NKAIN2: variants seen among roughly 807,000 people sequenced by gnomAD.
The protein encoded by NKAIN2 is sodium/potassium-transporting ATPase subunit beta-1-interacting protein 2.
NKAIN2 carries 14 observed loss-of-function variants against 32.6 expected under a neutral mutation model. The observed-to-expected ratio is 0.43, with a 90% CI of 0.28 to 0.67. The LOEUF (loss-of-function observed/expected upper bound fraction) is 0.67. NKAIN2 is among the 30% of genes least tolerant of loss of function. The pLI is 0.17. For synonymous variants in NKAIN2, 80 were observed against 87.2 expected (o/e 0.92, Z 0.46); for missense variants, 198 against 258.3 (o/e 0.77, Z 1.60).
At chr6:124,032,623 A>G (rs1333031438) in intron 1 of NKAIN2, among the ~76,000 whole-genome samples, 3 of 152,156 alleles carry the variant, frequency 2.0e-5, no homozygotes, top group Non-Finnish European at 2.9e-5. Context: ...AGGTCTAAGA[A>G]GAAAGGTACT....
chr6:124,147,886 C>T (rs117878985), intron 1 of NKAIN2, among the ~76,000 whole-genome samples: 10 of 152,136 alleles, frequency 6.6e-5, no homozygotes, highest in Non-Finnish European at 1.5e-4. Context: ...ATATAAAGGG[C>T]CAGGACCATG....
intron 4 of NKAIN2, among the ~76,000 whole-genome samples, chr6:124,746,898 C>T (rs1240895588): frequency 1.3e-5 from 2 of 151,976 alleles, no homozygotes; most frequent in South Asian, 2.1e-4. Flanking sequence ...GTCACTTTCA[C>T]TTCTATAATT....
At chr6:124,523,604 A>T (rs1434937541) in intron 3 of NKAIN2, among the ~76,000 whole-genome samples, 4 of 152,166 alleles carry the variant, frequency 2.6e-5, no homozygotes, top group Non-Finnish European at 5.9e-5. Flanking sequence ...TGGCAAAATT[A>T]AAAACTTTAA....
chr6:124,572,792 T>A (rs1347645225), intron 3 of NKAIN2, among the ~76,000 whole-genome samples: 5 of 152,182 alleles, frequency 3.3e-5, no homozygotes, highest in African/African-American at 1.2e-4. Flanking sequence ...ATATAAATAT[T>A]TCATACAATT....
chr6:124,104,698 C>G (rs956898862), intron 1 of NKAIN2, among the ~76,000 whole-genome samples: 2 of 152,182 alleles, frequency 1.3e-5, no homozygotes, highest in Non-Finnish European at 2.9e-5. Flanking sequence ...ATATAGTGCT[C>G]ATACTAATGA....
At chr6:124,350,604 G>T (rs1297135940) in intron 2 of NKAIN2, among the ~76,000 whole-genome samples, 2 of 152,142 alleles carry the variant, frequency 1.3e-5, no homozygotes, top group Admixed American at 6.5e-5. Flanking sequence ...CATTAAAGGG[G>T]TTACACCAGT....
chr6:124,167,379 A>G (rs1337245578), intron 1 of NKAIN2, among the ~76,000 whole-genome samples: 1 of 151,976 alleles, frequency 6.6e-6, no homozygotes, highest in Non-Finnish European at 1.5e-5. Flanking sequence ...GTATCCTGAG[A>G]CATTGCTGAA....
At chr6:124,185,604 T>G (rs1173946638) in intron 1 of NKAIN2, among the ~76,000 whole-genome samples, 1 of 152,302 alleles carries the variant, frequency 6.6e-6, no homozygotes, top group Non-Finnish European at 1.5e-5. Context: ...TTGAAGTTAT[T>G]CCTGAAAATC....
chr6:123,957,383 T>C (rs1245332679), intron 1 of NKAIN2, among the ~76,000 whole-genome samples: 1 of 152,194 alleles, frequency 6.6e-6, no homozygotes, highest in Non-Finnish European at 1.5e-5. Flanking sequence ...TTTTGTATCA[T>C]CAGCATCTAG....
intron 1 of NKAIN2, among the ~76,000 whole-genome samples, chr6:124,232,059 G>A (rs1224217140): frequency 6.6e-6 from 1 of 152,056 alleles, no homozygotes; most frequent in African/African-American, 2.4e-5. Flanking sequence ...ACTTACACAA[G>A]ATCTCACAAA....
At chr6:124,656,687 G>A (rs10223758) in intron 3 of NKAIN2, among the ~76,000 whole-genome samples, 2,467 of 152,022 alleles carry the variant, frequency 0.016, 80 homozygotes, top group African/African-American at 0.057. Context: ...ATAGGTGATG[G>A]TAAAGATTCA....
At chr6:124,004,820 C>T (rs1177962396) in intron 1 of NKAIN2, among the ~76,000 whole-genome samples, 1 of 150,964 alleles carries the variant, frequency 6.6e-6, no homozygotes, top group Non-Finnish European at 1.5e-5. Flanking sequence ...TGTATCAAAC[C>T]TGCACGTTGT....
intron 1 of NKAIN2, among the ~76,000 whole-genome samples, chr6:124,032,567 TAAGTAGAC>T (rs1034508182): frequency 9.9e-5 from 15 of 152,060 alleles, no homozygotes; most frequent in African/African-American, 3.6e-4. Context: ...TTGATAAAGG[TAAGTAGAC>T]AAATAGATAA....
chr6:124,753,956 A>G (rs543847228), intron 4 of NKAIN2, among the ~76,000 whole-genome samples: 2 of 152,226 alleles, frequency 1.3e-5, no homozygotes, highest in South Asian at 4.1e-4. Context: ...TAGGCTGCAA[A>G]AGACAATCTC....
At chr6:124,509,275 G>A (rs1369291868) in intron 3 of NKAIN2, among the ~76,000 whole-genome samples, 1 of 152,112 alleles carries the variant, frequency 6.6e-6, no homozygotes, top group Non-Finnish European at 1.5e-5. Context: ...TTATCAATAG[G>A]ACTTAGAAAG....
At chr6:124,632,597 A>G (rs1269106315) in intron 3 of NKAIN2, among the ~76,000 whole-genome samples, 1 of 152,166 alleles carries the variant, frequency 6.6e-6, no homozygotes, top group African/African-American at 2.4e-5. Context: ...TTTGTTTCTT[A>G]ACATTCTTTT....
At chr6:124,711,773 C>T (rs2114606415) in intron 4 of NKAIN2, among the ~76,000 whole-genome samples, 1 of 152,248 alleles carries the variant, frequency 6.6e-6, no homozygotes, top group East Asian at 1.9e-4. Flanking sequence ...AATGTCCTCC[C>T]ATAGCTCAGA....
intron 3 of NKAIN2, among the ~76,000 whole-genome samples, chr6:124,506,884 T>C (rs2114762537): frequency 6.6e-6 from 1 of 152,274 alleles, no homozygotes; most frequent in South Asian, 2.1e-4. Flanking sequence ...CGCTTAGGCA[T>C]TGTCTGTGTA....
At chr6:124,632,077 G>T (rs1783590608) in intron 3 of NKAIN2, among the ~76,000 whole-genome samples, 2 of 152,118 alleles carry the variant, frequency 1.3e-5, no homozygotes. Flanking sequence ...TTTTCTCCAT[G>T]TGATTTCCAA....
Sources: allele counts gnomAD v4.1 joint callset (sites outside exome capture counted in the v4.1 genomes callset), GRCh38; gene constraint gnomAD v4.1.1; transcripts MANE v1.5; gene names NCBI Gene and HGNC (gene_info 2026-07-23, HGNC 2026-07-21).